Variants in DNAI2 observed in about 807,000 individuals in gnomAD.
DNAI2 encodes dynein axonemal intermediate chain 2.
A neutral mutation model predicts 74.7 loss-of-function variants in DNAI2; 63 were observed. The ratio of observed to expected loss-of-function variants is 0.84; its 90% CI spans 0.69 to 1.04. DNAI2 has a LOEUF of 1.04. Ranked by LOEUF, DNAI2 falls within the 50% of genes least tolerant of loss-of-function variation. The pLI is 0.00. For missense variants in DNAI2, 688 were observed against 803.2 expected (o/e 0.86, Z 1.73); for synonymous variants, 289 against 314.9 (o/e 0.92, Z 0.87).
chr17:74,281,519 A>G (rs894461969), intron 1 of DNAI2: 1 of 568,050 alleles, frequency 1.8e-6, no homozygotes, highest in African/African-American at 1.9e-5. Flanking sequence ...TGGCCTCCCA[A>G]TGTGCTGGGA....
chr17:74,286,908 C>T, intron 3 of DNAI2, 69 bp from the exon 4 acceptor site: 2 of 1,604,530 alleles, frequency 1.2e-6, no homozygotes, highest in Non-Finnish European at 1.7e-6. Flanking sequence ...TCCCAGACTC[C>T]ATTGCAGGCC....
intron 10 of DNAI2, 32 bp downstream of exon 10, chr17:74,309,420 G>T (rs1447899343): frequency 6.2e-7 from 1 of 1,613,806 alleles, no homozygotes; most frequent in Non-Finnish European, 8.5e-7. Flanking sequence ...GTGCATCCAG[G>T]TCCTCAGGGA....
chr17:74,286,489 T>C (rs949579780), intron 3 of DNAI2, among the ~76,000 whole-genome samples: 3 of 151,964 alleles, frequency 2.0e-5, no homozygotes, highest in Non-Finnish European at 4.4e-5. Context: ...GGCGTGATCT[T>C]GGGTCTCTGC....
rs145425741 is a variant in DNAI2 at position 74,278,895 on chromosome 17, C to T, written c.-11-2912C>T. 7.1e-4 allele frequency among the ~76,000 whole-genome samples: 108 copies of T among 152,292 alleles called. 2 individuals are homozygous for T. The East Asian group carries it at 0.018, about 25-fold the overall frequency. On this transcript the variant is annotated intron_variant, in intron 1 of 13. Transcript: ENST00000311014. Reference sequence around the variant, plus strand: ...TTAAAAATAACTAACAGGCCGGGCGCGGTGGCTCACGCCTGTAATCCCAGC... The same window carrying T: ...TTAAAAATAACTAACAGGCCGGGCGTGGTGGCTCACGCCTGTAATCCCAGC...
At chr17:74,294,802 A>C (rs2052338024) in intron 6 of DNAI2, among the ~76,000 whole-genome samples, 1 of 152,118 alleles carries the variant, frequency 6.6e-6, no homozygotes, top group African/African-American at 2.4e-5. Context: ...TCAAATATGG[A>C]ATATTTACAA....
chr17:74,284,955 C>T, intron 2 of DNAI2, 85 bp from the exon 3 acceptor site: 1 of 1,580,816 alleles, frequency 6.3e-7, no homozygotes, highest in South Asian at 1.1e-5. Flanking sequence ...CCCTGGGAGC[C>T]CCCGTGGGAC....
At chr17:74,290,959 C>G (rs1387030972) in intron 5 of DNAI2, 61 bp from the exon 6 acceptor site, 2 of 1,474,244 alleles carry the variant, frequency 1.4e-6, no homozygotes. Flanking sequence ...AGGGGTGAAA[C>G]TGGTTGATCC....
intron 4 of DNAI2, among the ~76,000 whole-genome samples, chr17:74,288,150 C>T (rs2051863094): frequency 6.6e-6 from 1 of 152,174 alleles, no homozygotes. Flanking sequence ...CCAGGAGAAA[C>T]CGTACTTCAA....
chr17:74,278,102 C>T (rs1035556444), intron 1 of DNAI2, among the ~76,000 whole-genome samples: 3 of 152,144 alleles, frequency 2.0e-5, no homozygotes, highest in Non-Finnish European at 4.4e-5. Context: ...GAACTGTGAC[C>T]TTTGGCCCTG....
chr17:74,275,950 C>T (rs1176578305), intron 1 of DNAI2, among the ~76,000 whole-genome samples: 2 of 152,066 alleles, frequency 1.3e-5, no homozygotes, highest in Non-Finnish European at 2.9e-5. Flanking sequence ...CATGCAGGGC[C>T]CACCACTCGC....
At chr17:74,297,786 C>T (rs1196566134) in intron 6 of DNAI2, among the ~76,000 whole-genome samples, 2 of 151,998 alleles carry the variant, frequency 1.3e-5, no homozygotes, top group African/African-American at 4.8e-5. Context: ...CCTGGAGTCG[C>T]CAGACACCCA....
chr17:74,284,407 T>G (rs780627875), intron 2 of DNAI2, among the ~76,000 whole-genome samples: 5 of 152,130 alleles, frequency 3.3e-5, no homozygotes, highest in Admixed American at 3.3e-4. Context: ...ATTCACTTTT[T>G]CTTTTTTCTT....
intron 4 of DNAI2, among the ~76,000 whole-genome samples, chr17:74,287,599 T>C (rs112866422): frequency 2.0e-4 from 30 of 152,156 alleles, no homozygotes; most frequent in African/African-American, 7.2e-4. Flanking sequence ...AGTCCATCCA[T>C]AGGGGACTGG....
At chr17:74,290,994 G>A in intron 5 of DNAI2, 26 bp from the exon 6 acceptor site, 1 of 1,598,068 alleles carries the variant, frequency 6.3e-7, no homozygotes, top group Non-Finnish European at 8.6e-7. Context: ...CGGGCCTGGT[G>A]GGGATAATTT....
Position 74,314,180 on chromosome 17 carries a change from A to C in DNAI2, c.1782A>C (p.Glu594Asp), listed in dbSNP as rs762217686. ...VVEEGEEAAGEEGDEEVEEDL... is the reference protein window; with the variant it reads ...VVEEGEEAAGDEGDEEVEEDL... ...AGGAGGGAGAGGAAGCAGCGGGGGAAGAAGGGGATGAAGAAGTGGAAGAAG... is the reference window on the plus strand; with the variant it reads ...AGGAGGGAGAGGAAGCAGCGGGGGACGAAGGGGATGAAGAAGTGGAAGAAG... The change falls in exon 13 of 14, where the codon GAA (glutamate) becomes GAC (aspartate). Residue 594 changes from glutamate (E) to aspartate (D), a missense_variant. Physicochemically the swap from Glu to Asp is conservative, Grantham distance 45. Coordinates refer to ENST00000311014, the MANE Select transcript of DNAI2 (RefSeq NM_023036.6). 4 of 1,614,108 alleles carry C rather than the reference A, an allele frequency of 2.5e-6. No homozygotes were observed. The highest frequency in any genetic ancestry group is 3.4e-6 in the Non-Finnish European group (4 of 1,179,954).
chr17:74,296,382 A>G (rs12939645), intron 6 of DNAI2, among the ~76,000 whole-genome samples: 18,667 of 78,760 alleles, frequency 0.24, 1,715 homozygotes, highest in Non-Finnish European at 0.39. Context: ...GGAGGGAGGG[A>G]GAGAGAGAGA....
At chr17:74,313,871 G>C in intron 12 of DNAI2, 1 of 519,812 alleles carries the variant, frequency 1.9e-6, no homozygotes, top group South Asian at 2.0e-5. Context: ...GCTAGCCCGA[G>C]GCCTCCCAGT....
chr17:74,284,658 C>T (rs562949578), intron 2 of DNAI2, among the ~76,000 whole-genome samples: 9 of 152,248 alleles, frequency 5.9e-5, no homozygotes, highest in East Asian at 1.9e-4. Context: ...GTGATCTGCT[C>T]GCCTCGGCCT....
chr17:74,303,928 C>G (rs2053014286), intron 8 of DNAI2, among the ~76,000 whole-genome samples: 1 of 151,902 alleles, frequency 6.6e-6, no homozygotes, highest in Admixed American at 6.6e-5. Context: ...GAGTTTGAGA[C>G]CAGTCTGGAC....
Sources: allele counts gnomAD v4.1 joint callset (sites outside exome capture counted in the v4.1 genomes callset), GRCh38; gene constraint gnomAD v4.1.1; transcripts MANE v1.5; gene names NCBI Gene and HGNC (gene_info 2026-07-23, HGNC 2026-07-21).